The following AUTS2 variants were observed in gnomAD, a reference collection of about 807,000 sequenced individuals.
AUTS2 encodes autism susceptibility gene 2 protein.
Under a neutral mutation model 112.4 loss-of-function variants are expected in AUTS2, and 17 were observed. The ratio of observed to expected loss-of-function variants is 0.15; its 90% confidence interval spans 0.10 to 0.23. The LOEUF (loss-of-function observed/expected upper bound fraction) is 0.23. Among genes scored for constraint, AUTS2 ranks in the 10% least tolerant of loss-of-function variants. The probability of loss-of-function intolerance (pLI) is 1.00; values close to 1 mark genes in which losing one functional copy is unlikely to be tolerated. For synonymous variants in AUTS2, 751 were observed against 702.7 expected (o/e 1.07, Z -1.09); for missense variants, 1,510 against 1,701.6 (o/e 0.89, Z 1.98).
chr7:70,765,457 C>T (rs1337469282), intron 8 of AUTS2, among the ~76,000 whole-genome samples: 1 of 152,144 alleles, frequency 6.6e-6, no homozygotes, highest in Non-Finnish European at 1.5e-5. Flanking sequence ...GGAGATGACA[C>T]ACTCTTTGTG....
At chr7:69,626,425 A>T (rs1402270093) in intron 1 of AUTS2, among the ~76,000 whole-genome samples, 2 of 152,068 alleles carry the variant, frequency 1.3e-5, no homozygotes, top group Non-Finnish European at 2.9e-5. Flanking sequence ...ACAGTTTAGC[A>T]GTAATGTCAT....
At chr7:69,726,824 T>C (rs1183257154) in intron 1 of AUTS2, among the ~76,000 whole-genome samples, 1 of 152,174 alleles carries the variant, frequency 6.6e-6, no homozygotes, top group Non-Finnish European at 1.5e-5. Flanking sequence ...TTTTCTTTTG[T>C]GAAGTGTGTG....
At chr7:70,658,174 T>C (rs1232047363) in intron 5 of AUTS2, among the ~76,000 whole-genome samples, 1 of 152,218 alleles carries the variant, frequency 6.6e-6, no homozygotes, top group Non-Finnish European at 1.5e-5. Context: ...GATAGGTACC[T>C]ACTATGGACC....
At chr7:70,702,247 T>C (rs981547618) in intron 6 of AUTS2, among the ~76,000 whole-genome samples, 1 of 151,942 alleles carries the variant, frequency 6.6e-6, no homozygotes, top group African/African-American at 2.4e-5. Flanking sequence ...GCGTCAGGAG[T>C]TCTGTGGAGC....
intron 5 of AUTS2, among the ~76,000 whole-genome samples, chr7:70,535,060 G>A (rs997746996): frequency 3.4e-5 from 5 of 148,446 alleles, no homozygotes; most frequent in East Asian, 2.0e-4. Context: ...AAGATGTAAT[G>A]TACTGGTTAA....
At chr7:70,342,850 G>T (rs369353180) in intron 4 of AUTS2, among the ~76,000 whole-genome samples, 2 of 152,156 alleles carry the variant, frequency 1.3e-5, no homozygotes, top group African/African-American at 4.8e-5. Context: ...TTGACACAAG[G>T]CATTCCCTTG....
At chr7:70,624,567 GC>G (rs1804839726) in intron 5 of AUTS2, among the ~76,000 whole-genome samples, 1 of 152,098 alleles carries the variant, frequency 6.6e-6, no homozygotes, top group Non-Finnish European at 1.5e-5. Flanking sequence ...CTCTATGCAA[GC>G]CCCAACCCCA....
At position 69,599,738 on chromosome 7, in the gene AUTS2, G is replaced by T; in HGVS notation, c.85G>T (p.Gly29Trp). Residue 29 changes from glycine to tryptophan, a missense_variant, in exon 1 of 19, where the codon GGG becomes TGG. Transcript: ENST00000342771. This position sits in a 1 kb window ranked among gnomAD's most constrained non-coding sequence, Gnocchi z 7.0. ...QRDRERRSRG[G>W]LGAGAAGGGG... is the part of the protein sequence containing the mutation. ...AGACCGGGAGAGGCGCTCCCGGGGC[G>T]GGCTGGGGGCCGGCGCGGCCGGCGG... is the stretch of plus-strand genomic sequence containing the variant. 7.5e-7 allele frequency: 1 copy of T among 1,331,358 alleles called. No individual in the cohort carries two copies. The highest frequency in any genetic ancestry group is 9.6e-7 in the Non-Finnish European group (1 of 1,046,334). 82.5% of individuals were successfully genotyped at this position (1,331,358 alleles called of 1,614,324 possible).
intron 4 of AUTS2, among the ~76,000 whole-genome samples, chr7:70,343,167 G>A (rs1524518): frequency 0.29 from 44,159 of 151,984 alleles, 6,722 homozygotes; most frequent in African/African-American, 0.38. Context: ...AATGATATTT[G>A]ACAAATATTT....
At chr7:70,353,151 G>A (rs1791841705) in intron 4 of AUTS2, among the ~76,000 whole-genome samples, 1 of 152,178 alleles carries the variant, frequency 6.6e-6, no homozygotes, top group South Asian at 2.1e-4. Context: ...TCTGGAAACA[G>A]AGGCGGTTCC....
intron 4 of AUTS2, among the ~76,000 whole-genome samples, chr7:70,228,631 T>G (rs1811893002): frequency 6.6e-6 from 1 of 151,946 alleles, no homozygotes; most frequent in Non-Finnish European, 1.5e-5. Context: ...CACAGTCTAT[T>G]TTAGTTTAAT....
chr7:69,826,367 C>A lies in AUTS2; in HGVS notation c.310-72919C>A, dbSNP rs190640696. 2.6e-5 allele frequency among the ~76,000 whole-genome samples: 4 copies of A among 152,280 alleles called. No homozygotes were observed. The East Asian group carries it at 7.7e-4, about 29-fold the overall frequency. On this transcript the variant is annotated intron_variant, in intron 1 of 18. Transcript: ENST00000342771. ...TAAGTGACCTGCCTAAGGTGATAGA[C>A]CTGGGCCTTGAATCCACAGCTTTTG...
At chr7:70,464,162 C>G (rs190777762) in intron 5 of AUTS2, among the ~76,000 whole-genome samples, 86 of 152,328 alleles carry the variant, frequency 5.6e-4, no homozygotes, top group African/African-American at 1.9e-3. Context: ...CCATCTATTG[C>G]ATTGCCTAAC....
At chr7:69,767,753 C>T (rs1488948821) in intron 1 of AUTS2, among the ~76,000 whole-genome samples, 5 of 152,220 alleles carry the variant, frequency 3.3e-5, no homozygotes, top group African/African-American at 1.2e-4. Flanking sequence ...AATACCTTAC[C>T]TGGTAAGCTG....
chr7:69,891,115 C>T (rs1174635267), intron 1 of AUTS2, among the ~76,000 whole-genome samples: 1 of 152,186 alleles, frequency 6.6e-6, no homozygotes. Flanking sequence ...CCAAAAGTTT[C>T]CTTATGTCCC....
intron 2 of AUTS2, among the ~76,000 whole-genome samples, chr7:69,987,901 T>C (rs1414663982): frequency 1.3e-5 from 2 of 152,186 alleles, no homozygotes; most frequent in African/African-American, 4.8e-5. Context: ...CATTTCAAAC[T>C]TGAAAGGTAA....
intron 1 of AUTS2, among the ~76,000 whole-genome samples, chr7:69,885,013 T>A (rs1474415433): frequency 1.3e-5 from 2 of 152,066 alleles, no homozygotes; most frequent in East Asian, 3.8e-4. Context: ...TCTGGATAAA[T>A]CCTGAAATAG....
chr7:70,420,763 C>T (rs1291172411), intron 4 of AUTS2, among the ~76,000 whole-genome samples: 1 of 152,132 alleles, frequency 6.6e-6, no homozygotes, highest in South Asian at 2.1e-4. Context: ...ACAGAAGGCA[C>T]ATCAGTGATA....
At chr7:70,362,034 G>A (rs1029077312) in intron 4 of AUTS2, among the ~76,000 whole-genome samples, 1 of 152,150 alleles carries the variant, frequency 6.6e-6, no homozygotes, top group Non-Finnish European at 1.5e-5. Context: ...AAACCCAACA[G>A]GGCCTTTCCT....
Sources: gnomAD v4.1 joint callset for allele counts (sites outside exome capture counted in the v4.1 genomes callset) on GRCh38, gnomAD v4.1.1 for gene constraint, Gnocchi (gnomAD v3.1) non-coding constraint, MANE v1.5 for transcripts, NCBI Gene and HGNC (gene_info 2026-07-23, HGNC 2026-07-21) for gene names.